MORC1: variants seen among roughly 807,000 people sequenced by gnomAD.
The protein encoded by MORC1 is MORC family CW-type zinc finger protein 1.
Under a neutral mutation model 134.9 loss-of-function variants are expected in MORC1, and 59 were observed. That is an observed-to-expected ratio of 0.44 (90% CI 0.35 to 0.54). The LOEUF (loss-of-function observed/expected upper bound fraction) is 0.54, where lower values mean the gene tolerates loss of function less well. MORC1 is among the 20% of genes least tolerant of loss of function. The pLI is 0.00. For synonymous variants in MORC1, 395 were observed against 391.7 expected, an observed-to-expected ratio of 1.01 and a Z score of -0.10; for missense variants, 947 against 1,134.5, an observed-to-expected ratio of 0.83 and a Z score of 2.37.
At chr3:109,049,129 G>A (rs1182034852) in intron 14 of MORC1, 4 of 983,552 alleles carry the variant, frequency 4.1e-6, no homozygotes, top group Non-Finnish European at 4.8e-6. Context: ...TTCATCACTC[G>A]ACGTGTATCC....
intron 14 of MORC1, among the ~76,000 whole-genome samples, chr3:109,041,286 G>A (rs1390476947): frequency 2.0e-5 from 3 of 151,708 alleles, no homozygotes; most frequent in African/African-American, 2.4e-5. Flanking sequence ...ACTCCAGCCT[G>A]GGCGACAGAC....
chr3:109,031,944 T>C (rs896236219), intron 16 of MORC1, among the ~76,000 whole-genome samples: 2 of 152,200 alleles, frequency 1.3e-5, no homozygotes, highest in African/African-American at 4.8e-5. Flanking sequence ...CTTCAGTCTC[T>C]AAATATAAAT....
At position 109,108,943 on chromosome 3, in the gene MORC1, A is replaced by G. The variant is rs972458329; in HGVS notation, c.154+1806T>C. Among the ~76,000 whole-genome samples, 38 of 151,704 alleles carry G rather than the reference A, an allele frequency of 2.5e-4. 1 individual carries two copies. Among genetic ancestry groups the G allele is most frequent in the African/African-American group, 8.9e-4 (37 of 41,372 alleles). The stretch of plus-strand genomic sequence containing the variant: ...GACCACATGTCTACTTAGAAAACTG[A>G]CACTGCTCAAAGTTCTTCAGTGGTC... On this transcript the variant is annotated intron_variant, in intron 3 of 27. Coordinates refer to ENST00000232603, the MANE Select transcript of MORC1 (RefSeq NM_014429.4).
chr3:109,016,188 T>C (rs540810891), intron 17 of MORC1, among the ~76,000 whole-genome samples: 31 of 152,334 alleles, frequency 2.0e-4, no homozygotes, highest in South Asian at 1.0e-3. Flanking sequence ...TTGGATTATT[T>C]TGAATTTCAA....
intron 17 of MORC1, among the ~76,000 whole-genome samples, chr3:109,012,528 T>C (rs1447154138): frequency 6.6e-6 from 1 of 152,236 alleles, no homozygotes; most frequent in Non-Finnish European, 1.5e-5. Context: ...CTTAGCAATG[T>C]TGACTCTTCA....
At chr3:108,979,996 AT>A (rs1234756204) in intron 23 of MORC1, among the ~76,000 whole-genome samples, 16 of 152,254 alleles carry the variant, frequency 1.1e-4, no homozygotes, top group African/African-American at 3.6e-4. Context: ...ACTATACAAT[AT>A]TTTTTGTAAG....
Position 109,003,314 on chromosome 3 carries a change from T to C in MORC1, c.2085+1503A>G, listed in dbSNP as rs573751043. On this transcript the variant is annotated intron_variant, in intron 20 of 27. Transcript: ENST00000232603. ...ACATCTATGTTTACATTGGTATATG[T>C]ATACATATATGTGTATATATATCTA... Among the ~76,000 whole-genome samples the C allele has an allele frequency of 2.0e-4, 31 of 152,090 alleles. No individual in the cohort carries two copies. The South Asian group carries it at 6.4e-3, about 32-fold the overall frequency.
chr3:109,020,882 CA>C (rs1948942921), intron 17 of MORC1, among the ~76,000 whole-genome samples: 1 of 152,016 alleles, frequency 6.6e-6, no homozygotes, highest in African/African-American at 2.4e-5. Context: ...GAGGTTGAAT[CA>C]GGGGTACAAG....
At chr3:109,026,746 C>T (rs1413152635) in intron 17 of MORC1, among the ~76,000 whole-genome samples, 1 of 152,166 alleles carries the variant, frequency 6.6e-6, no homozygotes, top group Non-Finnish European at 1.5e-5. Context: ...GAAACCATGA[C>T]TAAAGGCCTT....
rs1035794056 is a variant in MORC1, at chr3:108,963,343, TAGG to T, written c.2799+68_2799+70del. Reference sequence around the variant, plus strand: ...CAGGTCAGTAAGTGAATGACAATGTTAGGAGAAGTTAGCTGAGTTCTCGTTCCA... The same window carrying T: ...CAGGTCAGTAAGTGAATGACAATGTTAGAAGTTAGCTGAGTTCTCGTTCCA... On this transcript the variant is annotated intron_variant, in intron 27 of 27. Transcript: ENST00000232603. 3.9e-5 allele frequency: 49 copies of T among 1,267,290 alleles called. No individual in the cohort carries two copies. In the Admixed American group the frequency reaches 9.2e-4, roughly 24 times the overall value. The allele number at this position is 1,267,290 out of a possible 1,614,324, so 78.5% of individuals were successfully genotyped here.
At chr3:108,960,218 A>G (rs1418599516) in intron 27 of MORC1, among the ~76,000 whole-genome samples, 1 of 152,248 alleles carries the variant, frequency 6.6e-6, no homozygotes, top group African/African-American at 2.4e-5. Flanking sequence ...TAGCAGAAAC[A>G]ATCGCCAACA....
At chr3:108,962,366 A>G (rs1947103122) in intron 27 of MORC1, among the ~76,000 whole-genome samples, 1 of 152,122 alleles carries the variant, frequency 6.6e-6, no homozygotes. Flanking sequence ...TGAAGTGGGA[A>G]GGGACTCCCA....
intron 21 of MORC1, among the ~76,000 whole-genome samples, chr3:108,988,526 T>C (rs1205360633): frequency 3.3e-5 from 5 of 152,144 alleles, no homozygotes; most frequent in African/African-American, 1.2e-4. Context: ...AAAATCTACA[T>C]GATATTAAGT....
chr3:109,032,627 A>G, intron 16 of MORC1, 93 bp downstream of exon 16: 1 of 869,338 alleles, frequency 1.2e-6, no homozygotes, highest in Non-Finnish European at 1.8e-6. Flanking sequence ...CTAAGCTAAA[A>G]TCTATATTAT....
rs780613175 is a variant in MORC1, at chr3:108,979,620, A to ATG, written c.2370_2371dup (p.Ile791ThrfsTer2). The ATG allele has an allele frequency of 1.2e-6, 2 of 1,614,082 alleles. No individual in the cohort carries two copies. Among genetic ancestry groups the ATG allele is most frequent in the African/African-American group, 2.7e-5 (2 of 74,940 alleles). On this transcript the variant is annotated frameshift_variant, in exon 24 of 28. Transcript: ENST00000232603. LOFTEE classifies it high-confidence loss of function. ...ACTGCCACTCACAGAAACTCTGGCTATGTGTCCAGAACTTAGATTCACATC... is the reference window on the plus strand; with the variant it reads ...ACTGCCACTCACAGAAACTCTGGCTATGTGTGTCCAGAACTTAGATTCACATC...
At chr3:108,987,643 G>A (rs1185526226) in intron 21 of MORC1, among the ~76,000 whole-genome samples, 1 of 151,894 alleles carries the variant, frequency 6.6e-6, no homozygotes, top group Non-Finnish European at 1.5e-5. Flanking sequence ...GGAGTGGATG[G>A]GGGACATTTG....
chr3:109,008,304 T>C (rs759813540), intron 17 of MORC1, among the ~76,000 whole-genome samples: 2 of 152,144 alleles, frequency 1.3e-5, no homozygotes, highest in African/African-American at 4.8e-5. Context: ...AACAGGTACA[T>C]GCATTTATAA....
intron 14 of MORC1, among the ~76,000 whole-genome samples, chr3:109,045,450 G>A (rs1949672206): frequency 6.6e-6 from 1 of 152,142 alleles, no homozygotes; most frequent in Admixed American, 6.5e-5. Flanking sequence ...GGTTTCAATT[G>A]ATAATGTCAA....
intron 8 of MORC1, 70 bp downstream of exon 8, chr3:109,093,366 C>T: frequency 8.5e-7 from 1 of 1,170,190 alleles, no homozygotes; most frequent in Non-Finnish European, 1.3e-6. Context: ...AGACCTGGAG[C>T]CAGGATGCAG....
Sources: gnomAD v4.1 joint callset for allele counts (sites outside exome capture counted in the v4.1 genomes callset) on GRCh38, gnomAD v4.1.1 for gene constraint, MANE v1.5 for transcripts, NCBI Gene and HGNC (gene_info 2026-07-23, HGNC 2026-07-21) for gene names.